The following LRRC7 variants were observed in gnomAD, a reference collection of about 807,000 sequenced individuals.
LRRC7 encodes the protein leucine-rich repeat-containing protein 7.
A neutral mutation model predicts 175.7 loss-of-function variants in LRRC7; 23 were observed. The observed-to-expected ratio is 0.13, with a 90% CI of 0.09 to 0.19. LRRC7 has a LOEUF of 0.19. LRRC7 is among the 10% of genes least tolerant of loss of function. The pLI is 1.00. For missense variants in LRRC7, 1,354 were observed against 1,904.7 expected (o/e 0.71, Z 5.38); for synonymous variants, 685 against 680.9 (o/e 1.01, Z -0.09).
chr1:69,754,105 AAG>A (rs961237493), intron 2 of LRRC7, among the ~76,000 whole-genome samples: 38 of 152,188 alleles, frequency 2.5e-4, no homozygotes, highest in African/African-American at 8.7e-4. Context: ...TCTGGAAGAC[AAG>A]AGTCAGACAA....
chr1:69,919,980 C>A, intron 7 of LRRC7: 1 of 526,866 alleles, frequency 1.9e-6, no homozygotes, highest in Admixed American at 3.1e-5. Context: ...ACTGGGGGCC[C>A]TTCCAGACTG....
intron 4 of LRRC7, among the ~76,000 whole-genome samples, chr1:69,825,078 C>T (rs567638388): frequency 7.9e-5 from 12 of 152,298 alleles, no homozygotes; most frequent in African/African-American, 2.6e-4. Flanking sequence ...AGTAGCACAG[C>T]TGTGACAGCA....
chr1:69,941,548 A>G (rs1236989753), intron 8 of LRRC7, among the ~76,000 whole-genome samples: 1 of 151,826 alleles, frequency 6.6e-6, no homozygotes, highest in African/African-American at 2.4e-5. Flanking sequence ...CTATAGCTAG[A>G]AGAAGATATG....
In LRRC7 at chr1:69,952,630, GTT is replaced by G. The variant is rs1191519685; in HGVS notation, c.711+21062_711+21063del. On this transcript the variant is annotated intron_variant, in intron 8 of 26. Coordinates refer to ENST00000651989, the MANE Select transcript of LRRC7 (RefSeq NM_001370785.2). ...AAGACAAATACAAATTTAAGAAAAT[GTT>G]TACAGTTAATGTGGAGAAAATGAAA... is the stretch of plus-strand genomic sequence containing the variant. Among the ~76,000 whole-genome samples, 3 of 151,946 alleles carry G rather than the reference GTT, an allele frequency of 2.0e-5. 1 individual carries two copies. The East Asian group carries it at 5.8e-4, about 29-fold the overall frequency.
Position 70,054,645 on chromosome 1 carries a change from G to A in LRRC7, c.4230+1500G>A, listed in dbSNP as rs763225854. 4.6e-4 allele frequency among the ~76,000 whole-genome samples: 58 copies of A among 126,516 alleles called. 1 individual carries two copies. Among genetic ancestry groups the A allele is most frequent in the South Asian group, 1.4e-3 (5 of 3,568 alleles). 83.0% of individuals were successfully genotyped at this position (126,516 alleles called of 152,430 possible). ...CTTGCTCTGTCGCCTAGGCTGGAGC[G>A]CAGTGGCGCGATCTCTGCTCACTTG... On this transcript the variant is annotated intron_variant, in intron 23 of 26. Transcript: ENST00000651989.
chr1:69,775,205 G>A (rs545991710), intron 3 of LRRC7, among the ~76,000 whole-genome samples: 44 of 152,252 alleles, frequency 2.9e-4, no homozygotes, highest in Middle Eastern at 3.4e-3. Context: ...TATAAAACAT[G>A]ATTTGAGCAA....
At chr1:69,707,859 A>G (rs544756613) in intron 2 of LRRC7, among the ~76,000 whole-genome samples, 5 of 152,284 alleles carry the variant, frequency 3.3e-5, no homozygotes, top group African/African-American at 1.2e-4. Flanking sequence ...TGCAGATTTC[A>G]TTTTGTTATA....
At chr1:69,874,579 C>G (rs1375340168) in intron 7 of LRRC7, 2 of 152,036 alleles carry the variant, frequency 1.3e-5, no homozygotes, top group African/African-American at 4.8e-5. Flanking sequence ...CACTTACGGG[C>G]TTTTCCTATT....
intron 4 of LRRC7, among the ~76,000 whole-genome samples, chr1:69,821,993 C>T (rs1309688254): frequency 1.3e-5 from 2 of 152,116 alleles, no homozygotes; most frequent in African/African-American, 4.8e-5. Flanking sequence ...TTTGAAGAAG[C>T]TGTCACCTCC....
At chr1:69,853,218 G>A (rs1683181029) in intron 7 of LRRC7, among the ~76,000 whole-genome samples, 3 of 143,984 alleles carry the variant, frequency 2.1e-5, no homozygotes, top group Non-Finnish European at 4.5e-5. Flanking sequence ...TTCTACTTGA[G>A]TTCTTAATAA....
At chr1:69,865,766 T>C (rs1041352425) in intron 7 of LRRC7, among the ~76,000 whole-genome samples, 5 of 151,918 alleles carry the variant, frequency 3.3e-5, no homozygotes, top group Admixed American at 6.6e-5. Context: ...AGGCGTGAGC[T>C]ACCGCGCCCG....
intron 7 of LRRC7, among the ~76,000 whole-genome samples, chr1:69,839,587 A>T (rs1334631004): frequency 1.3e-5 from 2 of 152,120 alleles, no homozygotes; most frequent in Admixed American, 1.3e-4. Flanking sequence ...TTTGTCTGCC[A>T]CATTTAAAGT....
At chr1:69,645,767 T>C (rs576543335) in intron 1 of LRRC7, among the ~76,000 whole-genome samples, 1 of 152,112 alleles carries the variant, frequency 6.6e-6, no homozygotes, top group Non-Finnish European at 1.5e-5. Flanking sequence ...AAAAATGCAT[T>C]CATAATACTA....
At chr1:69,712,279 C>T (rs1018996442) in intron 2 of LRRC7, among the ~76,000 whole-genome samples, 2 of 151,672 alleles carry the variant, frequency 1.3e-5, no homozygotes, top group African/African-American at 4.8e-5. Flanking sequence ...CGCGCAAGTG[C>T]TTTAAAATTT....
intron 1 of LRRC7, among the ~76,000 whole-genome samples, chr1:69,661,227 C>G (rs569697838): frequency 1.3e-5 from 2 of 152,132 alleles, no homozygotes; most frequent in African/African-American, 4.8e-5. Context: ...CCACTGACCA[C>G]TTCAAGCTGC....
chr1:69,643,584 T>C (rs1350115822), intron 1 of LRRC7, among the ~76,000 whole-genome samples: 1 of 152,128 alleles, frequency 6.6e-6, no homozygotes, highest in Non-Finnish European at 1.5e-5. Flanking sequence ...GAGCAATATG[T>C]CTTATTAACC....
rs1315424602 is a variant in LRRC7, at chr1:69,783,396, T to G, written c.304-8647T>G. On this transcript the variant is annotated intron_variant, in intron 3 of 26. Coordinates refer to ENST00000651989, the MANE Select transcript of LRRC7 (RefSeq NM_001370785.2). ...GAAAGTCCAGAAACTAACCCACACT[T>G]AAGTGGAAATAGGATATACAAAAAG... is the stretch of plus-strand genomic sequence containing the variant. Among the ~76,000 whole-genome samples the G allele has an allele frequency of 2.0e-5, 3 of 152,072 alleles. No individual in the cohort carries two copies. In the East Asian group the frequency reaches 5.8e-4, roughly 29 times the overall value.
At chr1:69,823,211 A>G (rs1336573856) in intron 4 of LRRC7, among the ~76,000 whole-genome samples, 1 of 152,126 alleles carries the variant, frequency 6.6e-6, no homozygotes, top group Non-Finnish European at 1.5e-5. Flanking sequence ...AATATTCTTG[A>G]ATTGTTCCTT....
intron 4 of LRRC7, among the ~76,000 whole-genome samples, chr1:69,811,748 C>T (rs913012461): frequency 1.3e-5 from 2 of 151,894 alleles, no homozygotes; most frequent in East Asian, 1.9e-4. Context: ...GGGAGGGGAA[C>T]ATCACACACA....
Sources: gnomAD v4.1 joint callset for allele counts (sites outside exome capture counted in the v4.1 genomes callset) on GRCh38, gnomAD v4.1.1 for gene constraint, MANE v1.5 for transcripts, NCBI Gene and HGNC (gene_info 2026-07-23, HGNC 2026-07-21) for gene names.